The following PREX1 variants were observed in gnomAD, a reference collection of about 807,000 sequenced individuals.
The protein encoded by PREX1 is phosphatidylinositol 3,4,5-trisphosphate-dependent Rac exchanger 1 protein.
PREX1 carries 41 observed loss-of-function variants against 198.3 expected under a neutral mutation model. The observed-to-expected ratio is 0.21, with a 90% confidence interval of 0.16 to 0.27. PREX1 has a LOEUF of 0.27. Among genes scored for constraint, PREX1 ranks in the 10% least tolerant of loss-of-function variants. The pLI is 1.00. For missense variants in PREX1, 1,620 were observed against 2,200.7 expected (o/e 0.74, Z 5.28); for synonymous variants, 843 against 887.2 (o/e 0.95, Z 0.89).
chr20:48,713,722 A>G (rs2089946565), intron 5 of PREX1, among the ~76,000 whole-genome samples: 1 of 149,640 alleles, frequency 6.7e-6, no homozygotes, highest in South Asian at 2.1e-4. Flanking sequence ...GAGTGACAGA[A>G]CGAACCTGTC....
At chr20:48,807,306 GT>G (rs145707616) in intron 1 of PREX1, among the ~76,000 whole-genome samples, 32 of 150,954 alleles carry the variant, frequency 2.1e-4, no homozygotes, top group African/African-American at 6.3e-4. Context: ...CCTTTTTTGT[GT>G]TTTTTTTTCT....
At chr20:48,673,890 T>C (rs953524162) in intron 14 of PREX1, among the ~76,000 whole-genome samples, 2 of 152,238 alleles carry the variant, frequency 1.3e-5, no homozygotes, top group Admixed American at 1.3e-4. Context: ...TTTACACAAT[T>C]ATCTCATCAA....
In PREX1 at chr20:48,696,977, T is replaced by TACAC. The variant is rs11467059; in HGVS notation, c.917+3772_917+3775dup. ...GTCAACTGCTTATTATAAATCTCTT[T>TACAC]ACACACACACACACACACACACACA... On this transcript the variant is annotated intron_variant, in intron 7 of 39. Transcript: ENST00000371941. Among the ~76,000 whole-genome samples the TACAC allele has an allele frequency of 9.0e-3, 1,333 of 148,704 alleles. 21 individuals carry two copies. Among genetic ancestry groups the TACAC allele is most frequent in the African/African-American group, 0.031 (1,256 of 40,466 alleles).
At chr20:48,651,711 A>G in intron 21 of PREX1, 128 bp from the exon 22 acceptor site, 1 of 849,104 alleles carries the variant, frequency 1.2e-6, no homozygotes, top group Non-Finnish European at 1.8e-6. Flanking sequence ...GGGCAGGAGT[A>G]CATTCCGCCA....
intron 1 of PREX1, among the ~76,000 whole-genome samples, chr20:48,765,188 A>G (rs191689704): frequency 8.5e-4 from 130 of 152,372 alleles, no homozygotes; most frequent in Non-Finnish European, 2.4e-4. Context: ...TGATTACTAC[A>G]AAACAGATAT....
intron 14 of PREX1, 119 bp downstream of exon 14, chr20:48,676,074 T>C (rs1468141741): frequency 1.8e-5 from 18 of 1,012,880 alleles, no homozygotes; most frequent in South Asian, 1.5e-4. Context: ...GTAAATTTTA[T>C]GTTCTGTGCA....
chr20:48,847,371 A>ACAAAAAAAAAAAAAAAC, the PREX1 span, among the ~76,000 whole-genome samples: 1 of 149,394 alleles, frequency 6.7e-6, no homozygotes, highest in African/African-American at 2.5e-5. Context: ...TTATAAAAAA[A>ACAAAAAAAAAAAAAAAC]AAAAAAAAAA....
the PREX1 span, among the ~76,000 whole-genome samples, chr20:48,851,533 T>A: frequency 8.2e-4 from 125 of 152,102 alleles, no homozygotes; most frequent in African/African-American, 2.8e-3. Context: ...AATAAATAAA[T>A]AATAAATAAA....
the PREX1 span, among the ~76,000 whole-genome samples, chr20:48,874,423 G>A: frequency 5.4e-5 from 8 of 149,142 alleles, no homozygotes; most frequent in African/African-American, 2.0e-4. Context: ...GTGTGTGTAG[G>A]GGGTGGGTGG....
rs1056339315 is a variant in PREX1, at chr20:48,684,520, C to T, written c.1335-3185G>A. ...ACCTTGGAGCTTTCCCTCTGGCAGA[C>T]GTCCATAACTGAACAGCATCTAATC... On this transcript the variant is annotated intron_variant, in intron 10 of 39. Coordinates refer to ENST00000371941, the MANE Select transcript of PREX1 (RefSeq NM_020820.4). The surrounding 1 kb of genome is among the most constrained non-coding windows in gnomAD (Gnocchi z 4.2). Among the ~76,000 whole-genome samples, 1 of 152,242 alleles carries T rather than the reference C, an allele frequency of 6.6e-6. No individual in the cohort carries two copies. Among genetic ancestry groups the T allele is most frequent in the Non-Finnish European group, 1.5e-5 (1 of 68,042 alleles).
chr20:48,674,106 G>A (rs749687380), intron 14 of PREX1, among the ~76,000 whole-genome samples: 10 of 152,152 alleles, frequency 6.6e-5, no homozygotes, highest in Non-Finnish European at 1.3e-4. Context: ...GTGGTACAAT[G>A]GTTAGCAGCT....
chr20:48,833,086 C>T, the PREX1 span, among the ~76,000 whole-genome samples: 2 of 152,210 alleles, frequency 1.3e-5, no homozygotes, highest in Non-Finnish European at 2.9e-5. Flanking sequence ...ATATCCATAT[C>T]TGTAAAATGG....
intron 1 of PREX1, among the ~76,000 whole-genome samples, chr20:48,792,466 A>C (rs2090342830): frequency 6.6e-6 from 1 of 151,886 alleles, no homozygotes; most frequent in South Asian, 2.1e-4. Flanking sequence ...GCAAAACTCC[A>C]TCTCAAAAAA....
At chr20:48,643,972 C>T (rs535434636) in intron 27 of PREX1, among the ~76,000 whole-genome samples, 1 of 152,356 alleles carries the variant, frequency 6.6e-6, no homozygotes, top group Admixed American at 6.5e-5. Context: ...CCACCACGCT[C>T]AGCCATGGGT....
At chr20:48,789,875 G>A (rs1480521222) in intron 1 of PREX1, among the ~76,000 whole-genome samples, 2 of 151,922 alleles carry the variant, frequency 1.3e-5, no homozygotes, top group African/African-American at 2.4e-5. Context: ...GTGGGTGGGT[G>A]GGGAGATGGA....
At chr20:48,656,146 C>T (rs1453742612) in intron 18 of PREX1, among the ~76,000 whole-genome samples, 2 of 152,122 alleles carry the variant, frequency 1.3e-5, no homozygotes, top group Non-Finnish European at 2.9e-5. Flanking sequence ...TAAAACTTTC[C>T]ACCCCTCCTG....
At chr20:48,853,759 C>G in the PREX1 span, among the ~76,000 whole-genome samples, 1 of 152,236 alleles carries the variant, frequency 6.6e-6, no homozygotes, top group Admixed American at 6.5e-5. Context: ...AGCTTAAACT[C>G]TGCAAACCTC....
chr20:48,865,541 G>T, the PREX1 span, among the ~76,000 whole-genome samples: 1 of 152,184 alleles, frequency 6.6e-6, no homozygotes, highest in Non-Finnish European at 1.5e-5. Flanking sequence ...TGTTACAAAA[G>T]AAACAAAAAG....
At chr20:48,634,069 T>C (rs1333130131) in intron 33 of PREX1, among the ~76,000 whole-genome samples, 37 of 93,510 alleles carry the variant, frequency 4.0e-4, no homozygotes, top group African/African-American at 1.4e-3. Context: ...ATGAGTGGGA[T>C]GGATGGATGG....
Sources: allele counts gnomAD v4.1 joint callset (sites outside exome capture counted in the v4.1 genomes callset), GRCh38; gene constraint gnomAD v4.1.1; non-coding constraint Gnocchi (gnomAD v3.1); transcripts MANE v1.5; gene names NCBI Gene and HGNC (gene_info 2026-07-23, HGNC 2026-07-21).